Variants in CHL1 observed in about 807,000 individuals in gnomAD.
The protein encoded by CHL1 is cell adhesion molecule L1 like.
Under a neutral mutation model 141.9 loss-of-function variants are expected in CHL1, and 96 were observed. The ratio of observed to expected loss-of-function variants is 0.68; its 90% CI spans 0.57 to 0.80. The LOEUF (loss-of-function observed/expected upper bound fraction) is 0.80, where lower values mean the gene tolerates loss of function less well. Ranked by LOEUF, CHL1 falls within the 30% of genes least tolerant of loss-of-function variation. The pLI, the probability that CHL1 is intolerant of heterozygous loss-of-function variation, is 0.00. For missense variants in CHL1, 1,820 were observed against 1,457.2 expected (o/e 1.25, Z -4.05); for synonymous variants, 613 against 502.2 (o/e 1.22, Z -2.95).
At chr3:325,867 G>T in intron 3 of CHL1, 92 bp from the exon 4 acceptor site, 2 of 728,764 alleles carry the variant, frequency 2.7e-6, no homozygotes, top group East Asian at 5.4e-5. Context: ...TCACTTATCA[G>T]TATACAAAAG....
At chr3:346,238 C>A (rs1349347642) in intron 9 of CHL1, among the ~76,000 whole-genome samples, 1 of 152,178 alleles carries the variant, frequency 6.6e-6, no homozygotes, top group Non-Finnish European at 1.5e-5. Context: ...TGTCTGTCTT[C>A]AACTCCCAAT....
At chr3:251,037 T>G (rs1273100536) in intron 2 of CHL1, among the ~76,000 whole-genome samples, 1 of 152,086 alleles carries the variant, frequency 6.6e-6, no homozygotes, top group African/African-American at 2.4e-5. Flanking sequence ...CAAGTTATAA[T>G]GCAAACAAAT....
chr3:335,909 G>C (rs1249904365), intron 5 of CHL1, among the ~76,000 whole-genome samples: 1 of 152,178 alleles, frequency 6.6e-6, no homozygotes, highest in Non-Finnish European at 1.5e-5. Flanking sequence ...ACCATGCAAA[G>C]TGAAAATATT....
intron 1 of CHL1, among the ~76,000 whole-genome samples, chr3:215,926 G>C (rs1257968066): frequency 6.6e-6 from 1 of 152,048 alleles, no homozygotes; most frequent in Non-Finnish European, 1.5e-5. Context: ...ATTTCCACTA[G>C]TGTTTTATTT....
At chr3:224,687 C>G (rs1414586107) in intron 1 of CHL1, among the ~76,000 whole-genome samples, 2 of 152,196 alleles carry the variant, frequency 1.3e-5, no homozygotes, top group Non-Finnish European at 2.9e-5. Flanking sequence ...CCAGTGAAAA[C>G]TCTTTTCTTT....
intron 5 of CHL1, among the ~76,000 whole-genome samples, chr3:334,731 G>A (rs1559270435): frequency 6.6e-6 from 1 of 152,112 alleles, no homozygotes; most frequent in Non-Finnish European, 1.5e-5. Context: ...TAGTGATACT[G>A]CAAATTCTCT....
At position 377,803 on chromosome 3, in the gene CHL1, CT is replaced by C. The variant is rs778899586; in HGVS notation, c.1752-8del. ...TGTTTTCCTTCTCATCATGTACTCACTTTTTTTCTGATAGGATAATTATTGA... is the reference window on the plus strand; with the variant it reads ...TGTTTTCCTTCTCATCATGTACTCACTTTTTTCTGATAGGATAATTATTGA... On this transcript the variant is annotated splice_polypyrimidine_tract_variant and intron_variant, in intron 15 of 27. Coordinates refer to ENST00000256509, the MANE Select transcript of CHL1 (RefSeq NM_006614.4). 1.6e-5 allele frequency: 25 copies of C among 1,593,518 alleles called. No individual in the cohort carries two copies. The highest frequency in any genetic ancestry group is 4.0e-5 in the African/African-American group (3 of 74,286).
rs1709580012 is a variant in CHL1, at chr3:407,150, C to G, written c.*1439C>G. The G allele has an allele frequency of 6.6e-6, 1 of 152,082 alleles. No homozygotes were observed. The highest frequency in any genetic ancestry group is 1.5e-5 in the Non-Finnish European group (1 of 68,020). 9.4% of individuals were successfully genotyped at this position (152,082 alleles called of 1,614,324 possible). On this transcript the variant is annotated 3_prime_UTR_variant, in exon 28 of 28. Coordinates refer to ENST00000256509, the MANE Select transcript of CHL1 (RefSeq NM_006614.4). ...GCATACATGTCGGTCAAGTTCAGCG[C>G]TCGACATTTTATGGAAAGATTTTTT...
intron 2 of CHL1, among the ~76,000 whole-genome samples, chr3:277,965 T>G (rs1193528187): frequency 1.3e-5 from 2 of 152,222 alleles, no homozygotes; most frequent in Admixed American, 1.3e-4. Context: ...TAGTTTGCAT[T>G]TAGGTATTTG....
intron 1 of CHL1, among the ~76,000 whole-genome samples, chr3:231,934 G>A (rs1440913009): frequency 2.6e-5 from 4 of 152,032 alleles, no homozygotes; most frequent in African/African-American, 9.7e-5. Flanking sequence ...TATACTTTCA[G>A]CTTACCTAGC....
chr3:229,036 T>A (rs1411527030), intron 1 of CHL1, among the ~76,000 whole-genome samples: 2 of 152,216 alleles, frequency 1.3e-5, no homozygotes, highest in African/African-American at 4.8e-5. Flanking sequence ...CGGTGTGCAT[T>A]GCTGATAGGT....
At chr3:209,401 G>A (rs1053653650) in intron 1 of CHL1, among the ~76,000 whole-genome samples, 40 of 152,142 alleles carry the variant, frequency 2.6e-4, no homozygotes, top group African/African-American at 9.6e-4. Context: ...TGACTATATG[G>A]GTGATCTTGA....
In CHL1 at chr3:406,744, A is replaced by G. The variant is rs551477428; in HGVS notation, c.*1033A>G. On this transcript the variant is annotated 3_prime_UTR_variant, in exon 28 of 28. Coordinates refer to ENST00000256509, the MANE Select transcript of CHL1 (RefSeq NM_006614.4). Reference sequence around the variant, plus strand: ...TGTTTTTCGTCATTCCAGAGCTACAACTAATAACACGAGGTTCCAAAGCTG... The same window carrying G: ...TGTTTTTCGTCATTCCAGAGCTACAGCTAATAACACGAGGTTCCAAAGCTG... 22 of 152,260 alleles carry G rather than the reference A, an allele frequency of 1.4e-4. No homozygotes were observed. In the South Asian group the frequency reaches 2.9e-3, roughly 20 times the overall value. The allele number at this position is 152,260 out of a possible 1,614,324, so 9.4% of individuals were successfully genotyped here.
In CHL1 at chr3:330,182, G is replaced by C. The variant is rs528411815; in HGVS notation, c.385+1828G>C. ...TTAAGTTAGAAATCAATAATAAATA[G>C]AAAACTTAAAAAACTTATATCTTTG... is the stretch of plus-strand genomic sequence containing the variant. On this transcript the variant is annotated intron_variant, in intron 5 of 27. Transcript: ENST00000256509. Among the ~76,000 whole-genome samples, 683 of 152,060 alleles carry C rather than the reference G, an allele frequency of 4.5e-3. 1 individual carries two copies. Among genetic ancestry groups the C allele is most frequent in the Non-Finnish European group, 7.1e-3 (482 of 67,934 alleles).
intron 2 of CHL1, among the ~76,000 whole-genome samples, chr3:303,209 T>A (rs530595000): frequency 1.3e-5 from 2 of 152,330 alleles, no homozygotes; most frequent in African/African-American, 2.4e-5. Flanking sequence ...TGCCCAGGAT[T>A]GTTTTGGATA....
At chr3:309,169 G>C (rs1342733358) in intron 2 of CHL1, 2 of 152,408 alleles carry the variant, frequency 1.3e-5, no homozygotes, top group African/African-American at 4.8e-5. Context: ...TATTTCCCAC[G>C]GCCTCCCCAC....
At position 360,431 on chromosome 3, in the gene CHL1, G is replaced by A; in HGVS notation, c.1306+7G>A. ...GCCAATATTGATGTTGTGGGTGAGT[G>A]TGCCTGGGAGCTGACTTAACATGCT... On this transcript the variant is annotated splice_region_variant and intron_variant, in intron 12 of 27. Coordinates refer to ENST00000256509, the MANE Select transcript of CHL1 (RefSeq NM_006614.4). 1 of 1,612,888 alleles carries A rather than the reference G, an allele frequency of 6.2e-7. No homozygotes were observed. The highest frequency in any genetic ancestry group is 8.5e-7 in the Non-Finnish European group (1 of 1,179,436).
In CHL1 at chr3:363,298, C is replaced by T. The variant is rs2125276857; in HGVS notation, c.1500C>T (p.Thr500=). 1 of 1,613,624 alleles carries T rather than the reference C, an allele frequency of 6.2e-7. No homozygotes were observed. Among genetic ancestry groups the T allele is most frequent in the Non-Finnish European group, 8.5e-7 (1 of 1,179,704 alleles). Reference sequence around the variant, plus strand: ...ATGGCACATTGCAGATCAACAGAACCACCGAAGAAGATGCTGGGTCTTACT... The same window carrying T: ...ATGGCACATTGCAGATCAACAGAACTACCGAAGAAGATGCTGGGTCTTACT... ...YENGTLQINR[T]TEEDAGSYSC... is the part of the protein sequence containing the mutation. The change falls in exon 14 of 28, where the codon ACC becomes ACT. Residue 500 remains threonine (T), a synonymous_variant. Coordinates refer to ENST00000256509, the MANE Select transcript of CHL1 (RefSeq NM_006614.4).
chr3:406,854 G>C lies in CHL1; in HGVS notation c.*1143G>C, dbSNP rs1709561722. On this transcript the variant is annotated 3_prime_UTR_variant, in exon 28 of 28. Transcript: ENST00000256509. ...AAATAAAATATCATATAAATATTGA[G>C]GGAAATGTTTTCATATTTTTCAAAA... The C allele has an allele frequency of 6.6e-6, 1 of 152,004 alleles. No individual in the cohort carries two copies. The highest frequency in any genetic ancestry group is 2.4e-5 in the African/African-American group (1 of 41,398). The allele number at this position is 152,004 out of a possible 1,614,324, so 9.4% of individuals were successfully genotyped here. A position where few individuals can be genotyped will look rare whatever the true frequency, so the allele number is the denominator to read the frequency against.
Sources: gnomAD v4.1 joint callset for allele counts (sites outside exome capture counted in the v4.1 genomes callset) on GRCh38, gnomAD v4.1.1 for gene constraint, MANE v1.5 for transcripts, NCBI Gene and HGNC (gene_info 2026-07-23, HGNC 2026-07-21) for gene names.